NEDD9: variants seen among roughly 807,000 people sequenced by gnomAD.
The protein encoded by NEDD9 is enhancer of filamentation 1.
A neutral mutation model predicts 76.6 loss-of-function variants in NEDD9; 26 were observed. The ratio of observed to expected loss-of-function variants is 0.34; its 90% CI spans 0.25 to 0.47. The LOEUF (loss-of-function observed/expected upper bound fraction) is 0.47. Among genes scored for constraint, NEDD9 ranks in the 20% least tolerant of loss-of-function variants. The pLI is 1.00. For synonymous variants in NEDD9, 392 were observed against 414.2 expected (o/e 0.95, Z 0.65); for missense variants, 937 against 1,058.5 (o/e 0.89, Z 1.59).
intron 2 of NEDD9, among the ~76,000 whole-genome samples, chr6:11,197,107 G>C (rs936883350): frequency 1.2e-4 from 18 of 152,148 alleles, no homozygotes; most frequent in African/African-American, 4.1e-4. Flanking sequence ...CCAAGGTCTG[G>C]TTAAGGGGAC....
chr6:11,206,425 TA>T (rs967997019), intron 2 of NEDD9, among the ~76,000 whole-genome samples: 2 of 150,408 alleles, frequency 1.3e-5, no homozygotes, highest in African/African-American at 4.9e-5. Flanking sequence ...ATCTCAAAAA[TA>T]AAAAAAAAGA....
chr6:11,242,146 G>A lies in NEDD9; in HGVS notation c.13-28419C>T, dbSNP rs1561803803. Among the ~76,000 whole-genome samples the A allele has an allele frequency of 2.6e-5, 4 of 152,240 alleles. No homozygotes were observed. In the Middle Eastern group the frequency reaches 0.014, roughly 518 times the overall value. On this transcript the variant is annotated intron_variant, in intron 3 of 3. Transcript: ENST00000397378. ...TTGACTTGCCGAACGGAGTATGGAC[G>A]GAGCATTCCTTTCTGCCCACTGAGC... is the stretch of plus-strand genomic sequence containing the variant.
chr6:11,227,341 G>T (rs1759335934), intron 1 of NEDD9, among the ~76,000 whole-genome samples: 1 of 152,118 alleles, frequency 6.6e-6, no homozygotes. Flanking sequence ...AGCTTGCATT[G>T]TCTGCTTACT....
At chr6:11,270,114 G>A (rs1303597574) in intron 3 of NEDD9, among the ~76,000 whole-genome samples, 1 of 152,236 alleles carries the variant, frequency 6.6e-6, no homozygotes, top group Non-Finnish European at 1.5e-5. Flanking sequence ...GGGCAACAGA[G>A]TGTGACTCCT....
chr6:11,185,302 T>G lies in NEDD9; in HGVS notation c.2365A>C (p.Thr789Pro). The part of the protein sequence containing the change: ...SSNQLCEQLK[T>P]IVMATKMAAL... The stretch of plus-strand genomic sequence containing the variant: ...GCCATCTTGGTTGCCATGACTATGG[T>G]CTTGAGCTGCTCGCAGAGCTGGTTG... Residue 789 changes from threonine to proline, a missense_variant, in exon 7 of 7, where the codon ACC becomes CCC. Transcript: ENST00000379446. 1 of 1,614,104 alleles carries G rather than the reference T, an allele frequency of 6.2e-7. No homozygotes were observed. Among genetic ancestry groups the G allele is most frequent in the Non-Finnish European group, 8.5e-7 (1 of 1,180,014 alleles).
rs34568873 is a variant in NEDD9 at position 11,260,894 on chromosome 6, C to CTGTG, written c.12+45094_12+45097dup. 2.0e-3 allele frequency among the ~76,000 whole-genome samples: 303 copies of CTGTG among 148,912 alleles called. 1 individual carries two copies. Among genetic ancestry groups the CTGTG allele is most frequent in the African/African-American group, 6.1e-3 (249 of 40,712 alleles). On this transcript the variant is annotated intron_variant, in intron 3 of 3. Coordinates refer to the NEDD9 transcript ENST00000397378. ...TGTATGTGTGAGCACGTGTGTGAGC[C>CTGTG]TGTGTGTGTGTGTGTGTGTGTGTGT...
chr6:11,214,766 T>C (rs1232354196), intron 1 of NEDD9, among the ~76,000 whole-genome samples: 2 of 152,150 alleles, frequency 1.3e-5, no homozygotes, highest in Non-Finnish European at 1.5e-5. Flanking sequence ...GTCGGGGACG[T>C]TGTTGATTCA....
chr6:11,302,503 C>T (rs1315477130), intron 3 of NEDD9, among the ~76,000 whole-genome samples: 1 of 152,188 alleles, frequency 6.6e-6, no homozygotes, highest in Non-Finnish European at 1.5e-5. Context: ...GGAATCCTCC[C>T]TAACTCATTT....
At chr6:11,187,318 A>G (rs1024085970) in intron 6 of NEDD9, among the ~76,000 whole-genome samples, 5 of 152,162 alleles carry the variant, frequency 3.3e-5, no homozygotes, top group African/African-American at 9.7e-5. Context: ...TCCTCAATCC[A>G]TCTCTCTTTA....
chr6:11,376,067 G>A (rs570177859), intron 1 of NEDD9, among the ~76,000 whole-genome samples: 8 of 152,148 alleles, frequency 5.3e-5, no homozygotes, highest in Non-Finnish European at 1.0e-4. Flanking sequence ...CTCGTGATCC[G>A]CCCGTCTCGG....
Position 11,191,041 on chromosome 6 carries a change from A to G in NEDD9, c.828T>C (p.His276=), listed in dbSNP as rs1758130147. 4.3e-6 allele frequency: 7 copies of G among 1,613,812 alleles called. No individual in the cohort carries two copies. In the African/African-American group the frequency reaches 5.3e-5, roughly 12 times the overall value. Residue 276 remains histidine (H), a synonymous_variant, in exon 5 of 7, where the codon CAT becomes CAC. Transcript: ENST00000379446. ...TCTKPAGKDL[H]VKYNCDIPGA... is the part of the protein sequence containing the mutation. ...CTGGAATGTCACAGTTGTATTTTAC[A>G]TGAAGGTCCTTCCCTGCTGGCTTGG...
At chr6:11,208,177 CAAA>C (rs201241404) in intron 2 of NEDD9, among the ~76,000 whole-genome samples, 6 of 63,960 alleles carry the variant, frequency 9.4e-5, no homozygotes, top group African/African-American at 1.5e-4. Context: ...GACCCTGACT[CAAA>C]AAAAAAAAAA....
chr6:11,231,370 A>G (rs1317727470), intron 1 of NEDD9, among the ~76,000 whole-genome samples: 1 of 152,246 alleles, frequency 6.6e-6, no homozygotes, highest in African/African-American at 2.4e-5. Context: ...GTTTTTGAAC[A>G]AAAGCTTTAT....
intron 1 of NEDD9, among the ~76,000 whole-genome samples, chr6:11,216,371 G>A (rs72827131): frequency 4.6e-5 from 7 of 152,148 alleles, no homozygotes; most frequent in Admixed American, 1.3e-4. Flanking sequence ...CGAAGCTTAC[G>A]GCTCCAGGGA....
chr6:11,268,700 C>T (rs1283191702), intron 3 of NEDD9, among the ~76,000 whole-genome samples: 1 of 151,394 alleles, frequency 6.6e-6, no homozygotes, highest in Non-Finnish European at 1.5e-5. Context: ...TGCACTCCAG[C>T]CTGGGCAACA....
Position 11,193,627 on chromosome 6 carries a change from GT to G in NEDD9, c.524del (p.Asp175AlafsTer34). ...TATGAGAAGGAGGGATATCATAGAC[GT>G]CCTTTTGGTATCTGGATGGGTACTC... ...VYEYPSRYQK[D>X]VYDIPPSHTT... On this transcript the variant is annotated frameshift_variant, in exon 3 of 7. Coordinates refer to ENST00000379446, the MANE Select transcript of NEDD9 (RefSeq NM_006403.4). LOFTEE classifies it high-confidence loss of function. The G allele has an allele frequency of 6.2e-7, 1 of 1,613,378 alleles. No homozygotes were observed. The highest frequency in any genetic ancestry group is 8.5e-7 in the Non-Finnish European group (1 of 1,179,512).
intron 1 of NEDD9, among the ~76,000 whole-genome samples, chr6:11,215,480 T>C (rs1254759823): frequency 6.6e-6 from 1 of 152,226 alleles, no homozygotes; most frequent in Admixed American, 6.5e-5. Context: ...CATGGAACCA[T>C]TTAAGGATGG....
chr6:11,213,830 G>T lies in NEDD9; in HGVS notation c.13-103C>A. On this transcript the variant is annotated intron_variant, in intron 1 of 6. Coordinates refer to ENST00000379446, the MANE Select transcript of NEDD9 (RefSeq NM_006403.4). This position sits in a 1 kb window ranked among gnomAD's most constrained non-coding sequence, Gnocchi z 5.4. ...TGGAAAGGCACACTTCCTGGAAAGA[G>T]AGAAGCATAAATCTGAACAATAGAC... 9.8e-7 allele frequency: 1 copy of T among 1,024,476 alleles called. No homozygotes were observed. 63.5% of individuals were successfully genotyped at this position (1,024,476 alleles called of 1,614,324 possible).
At chr6:11,284,704 A>C (rs1035164679) in intron 3 of NEDD9, among the ~76,000 whole-genome samples, 14 of 151,216 alleles carry the variant, frequency 9.3e-5, no homozygotes, top group African/African-American at 3.4e-4. Context: ...AATAATATCT[A>C]CCCTTTATTG....
Sources: gnomAD v4.1 joint callset for allele counts (sites outside exome capture counted in the v4.1 genomes callset) on GRCh38, gnomAD v4.1.1 for gene constraint, Gnocchi (gnomAD v3.1) non-coding constraint, MANE v1.5 for transcripts, NCBI Gene and HGNC (gene_info 2026-07-23, HGNC 2026-07-21) for gene names.